Variants in PTAFR observed in about 807,000 individuals in gnomAD.
PTAFR encodes the protein platelet-activating factor receptor.
In PTAFR, 8 loss-of-function variants were observed where a neutral mutation model predicts 14.7. That is an observed-to-expected ratio of 0.54 (90% CI 0.32 to 0.98). The LOEUF is 0.98. PTAFR is among the 50% of genes least tolerant of loss of function. The pLI, the probability that PTAFR is intolerant of heterozygous loss-of-function variation, is 0.04. For synonymous variants in PTAFR, 156 were observed against 176.5 expected, an observed-to-expected ratio of 0.88 and a Z score of 0.92; for missense variants, 337 against 451.2, an observed-to-expected ratio of 0.75 and a Z score of 2.29.
At chr1:28,190,019 C>G (rs984892602) in intron 1 of PTAFR, among the ~76,000 whole-genome samples, 4 of 151,364 alleles carry the variant, frequency 2.6e-5, no homozygotes, top group Non-Finnish European at 5.9e-5. Context: ...GTTGCCCAGG[C>G]TGGAGTGCAG....
chr1:28,168,696 T>C (rs1411010768), intron 1 of PTAFR, among the ~76,000 whole-genome samples: 3 of 152,232 alleles, frequency 2.0e-5, no homozygotes, highest in Admixed American at 6.5e-5. Context: ...TGAAATGAAG[T>C]CTCACTCTGT....
At chr1:28,167,915 A>G (rs1455720864) in intron 1 of PTAFR, among the ~76,000 whole-genome samples, 1 of 147,508 alleles carries the variant, frequency 6.8e-6, no homozygotes, top group Non-Finnish European at 1.5e-5. Context: ...CTGGGATTAC[A>G]GGGATGAACC....
intron 1 of PTAFR, among the ~76,000 whole-genome samples, chr1:28,169,113 G>GC (rs1209819518): frequency 6.6e-6 from 1 of 152,092 alleles, no homozygotes; most frequent in African/African-American, 2.4e-5. Flanking sequence ...CAGGGACCAG[G>GC]CACATGGCTG....
At chr1:28,176,513 G>A (rs1646516877) in intron 1 of PTAFR, 79 bp downstream of exon 1, 1 of 152,784 alleles carries the variant, frequency 6.5e-6, no homozygotes, top group Non-Finnish European at 1.5e-5. Context: ...GCAGCCTGGG[G>A]GCATGACCTT....
chr1:28,177,615 A>T (rs1440333138), upstream of PTAFR, among the ~76,000 whole-genome samples: 1 of 152,220 alleles, frequency 6.6e-6, no homozygotes, highest in Non-Finnish European at 1.5e-5. Context: ...ATTGTCCAGT[A>T]GAATGTTCTA....
At chr1:28,185,722 G>A (rs769802062) in intron 1 of PTAFR, among the ~76,000 whole-genome samples, 29 of 152,096 alleles carry the variant, frequency 1.9e-4, no homozygotes, top group Non-Finnish European at 3.8e-4. Context: ...ACGAAGATTG[G>A]GAAGGAAAAG....
intron 1 of PTAFR, among the ~76,000 whole-genome samples, chr1:28,165,469 CTTGT>C (rs1211605807): frequency 7.1e-6 from 1 of 141,460 alleles, no homozygotes. Flanking sequence ...AGGCAAAAGA[CTTGT>C]ACATTGAAAA....
At chr1:28,159,054 CAA>C (rs1317238776) in intron 1 of PTAFR, among the ~76,000 whole-genome samples, 2 of 152,138 alleles carry the variant, frequency 1.3e-5, no homozygotes, top group Non-Finnish European at 2.9e-5. Context: ...AAGGAGGAAA[CAA>C]AGAGAACTGC....
chr1:28,172,341 G>A (rs960029203), intron 1 of PTAFR, among the ~76,000 whole-genome samples: 2 of 152,098 alleles, frequency 1.3e-5, no homozygotes, highest in Non-Finnish European at 1.5e-5. Flanking sequence ...CAGGAATCAC[G>A]CTGACATCTT....
chr1:28,182,357 AAAGG>A (rs1466615391), intron 1 of PTAFR, among the ~76,000 whole-genome samples: 1 of 148,640 alleles, frequency 6.7e-6, no homozygotes, highest in Non-Finnish European at 1.5e-5. Context: ...GAGAGAGAGA[AAAGG>A]AAGGAAGGGA....
At chr1:28,188,720 A>G (rs1646626056) in intron 1 of PTAFR, among the ~76,000 whole-genome samples, 1 of 152,204 alleles carries the variant, frequency 6.6e-6, no homozygotes, top group Non-Finnish European at 1.5e-5. Context: ...ACAAGAGTGA[A>G]ACTCCATCTA....
intron 1 of PTAFR, among the ~76,000 whole-genome samples, chr1:28,165,292 C>T (rs1646370472): frequency 6.6e-6 from 1 of 150,702 alleles, no homozygotes; most frequent in African/African-American, 2.4e-5. Flanking sequence ...GTAGTCCCAG[C>T]TACTCAGGAG....
At chr1:28,152,631 T>A (rs1392930418) in intron 1 of PTAFR, among the ~76,000 whole-genome samples, 1 of 152,040 alleles carries the variant, frequency 6.6e-6, no homozygotes. Flanking sequence ...TAATCCCAGC[T>A]ACTTGGGAGG....
rs141383559 is a variant in PTAFR, at chr1:28,187,824, A to G, written c.-39+5898T>C. Among the ~76,000 whole-genome samples, 33 of 152,316 alleles carry G rather than the reference A, an allele frequency of 2.2e-4. No homozygotes were observed. In the East Asian group the frequency reaches 6.4e-3, roughly 29 times the overall value. ...TTAAGACATGGAAATTACACATAATAAAGAAAAGCTGGATAAATTTGACCA... is the reference window on the plus strand; with the variant it reads ...TTAAGACATGGAAATTACACATAATGAAGAAAAGCTGGATAAATTTGACCA... On this transcript the variant is annotated intron_variant, in intron 1 of 1. Transcript: ENST00000305392.
intron 1 of PTAFR, among the ~76,000 whole-genome samples, chr1:28,189,528 G>C (rs1256673591): frequency 6.6e-6 from 1 of 151,728 alleles, no homozygotes; most frequent in East Asian, 2.0e-4. Flanking sequence ...CAGGAGAATC[G>C]CTTGAACCCA....
chr1:28,151,339 C>CT (rs1646185770), intron 1 of PTAFR, among the ~76,000 whole-genome samples: 1 of 152,074 alleles, frequency 6.6e-6, no homozygotes, highest in Admixed American at 6.6e-5. Flanking sequence ...ACCACCATGC[C>CT]TGGCTAGTTT....
intron 1 of PTAFR, among the ~76,000 whole-genome samples, chr1:28,190,129 C>T (rs957536786): frequency 2.0e-5 from 3 of 152,036 alleles, no homozygotes; most frequent in African/African-American, 4.8e-5. Context: ...TGTGCCACCA[C>T]GCCCGGCTAA....
At position 28,157,410 on chromosome 1, in the gene PTAFR, G is replaced by T. The variant is rs544127809; in HGVS notation, c.-38-6351C>A. Among the ~76,000 whole-genome samples the T allele has an allele frequency of 3.9e-5, 6 of 152,100 alleles. No individual in the cohort carries two copies. In the East Asian group the frequency reaches 1.2e-3, roughly 29 times the overall value. Reference sequence around the variant, plus strand: ...TCGAACTCCTGACCTCAAGTGATCCGCCCGCCTCGGCCTCCTAAAGTGCTG... The same window carrying T: ...TCGAACTCCTGACCTCAAGTGATCCTCCCGCCTCGGCCTCCTAAAGTGCTG... On this transcript the variant is annotated intron_variant, in intron 1 of 1. Transcript: ENST00000373857.
intron 1 of PTAFR, among the ~76,000 whole-genome samples, chr1:28,161,175 C>T (rs2148996501): frequency 6.6e-6 from 1 of 152,274 alleles, no homozygotes; most frequent in South Asian, 2.1e-4. Flanking sequence ...CAGCTCCACC[C>T]GCGGTCTGGT....
Sources: gnomAD v4.1 joint callset for allele counts (sites outside exome capture counted in the v4.1 genomes callset) on GRCh38, gnomAD v4.1.1 for gene constraint, MANE v1.5 for transcripts, NCBI Gene and HGNC (gene_info 2026-07-23, HGNC 2026-07-21) for gene names.